UGT1A5: variants seen among roughly 807,000 people sequenced by gnomAD.
UGT1A5 encodes UDP glucuronosyltransferase family 1 member A5, also known as UDP-glucuronosyltransferase 1A5.
Under a neutral mutation model 40.3 loss-of-function variants are expected in UGT1A5, and 29 were observed. That is an observed-to-expected ratio of 0.72 (90% CI 0.54 to 0.98). UGT1A5 has a LOEUF of 0.98. Ranked by LOEUF, UGT1A5 falls within the 50% of genes least tolerant of loss-of-function variation. The pLI is 0.00. For synonymous variants in UGT1A5, 257 were observed against 262.5 expected, an observed-to-expected ratio of 0.98 and a Z score of 0.20; for missense variants, 678 against 677.9, an observed-to-expected ratio of 1.00 and a Z score of 0.00.
chr2:233,740,757 T>C (rs1350241076), intron 1 of UGT1A5: 3 of 151,778 alleles, frequency 2.0e-5, no homozygotes, highest in Non-Finnish European at 2.9e-5. Context: ...CTGAAAACCT[T>C]ATCAAACCGT....
chr2:233,716,529 A>T (rs1261815071), intron 1 of UGT1A5, among the ~76,000 whole-genome samples: 1 of 152,154 alleles, frequency 6.6e-6, no homozygotes, highest in Non-Finnish European at 1.5e-5. Flanking sequence ...CCATTCAATT[A>T]TCTCCTTTCT....
At chr2:233,756,870 A>C (rs1360096515) in intron 1 of UGT1A5, among the ~76,000 whole-genome samples, 4 of 152,134 alleles carry the variant, frequency 2.6e-5, no homozygotes, top group Admixed American at 2.6e-4. Flanking sequence ...AAAGGGTATT[A>C]GGTGTAATGA....
At chr2:233,749,420 T>C (rs1003222005) in intron 1 of UGT1A5, among the ~76,000 whole-genome samples, 1 of 151,886 alleles carries the variant, frequency 6.6e-6, no homozygotes, top group Admixed American at 6.5e-5. Flanking sequence ...ACTACATTGC[T>C]CAAAACTTCA....
chr2:233,716,754 G>C (rs998175744), intron 1 of UGT1A5, among the ~76,000 whole-genome samples: 2 of 152,170 alleles, frequency 1.3e-5, no homozygotes, highest in Non-Finnish European at 2.9e-5. Flanking sequence ...TGGGAGAGGG[G>C]AGCTAGATCA....
In UGT1A5 at chr2:233,712,940, C is replaced by G. The variant is rs367897859; in HGVS notation, c.-52C>G. ...GGTAATTAAGACGAAGGAAACAATT[C>G]TAGGAGGCACAACGTGGGGTGGACA... On this transcript the variant is annotated 5_prime_UTR_variant, in exon 1 of 5. Coordinates refer to ENST00000373414, the MANE Select transcript of UGT1A5 (RefSeq NM_019078.2). The G allele has an allele frequency of 6.2e-7, 1 of 1,612,388 alleles. No homozygotes were observed.
chr2:233,724,360 G>A (rs1455285943), intron 1 of UGT1A5, among the ~76,000 whole-genome samples: 4 of 146,466 alleles, frequency 2.7e-5, no homozygotes, highest in South Asian at 2.3e-4. Flanking sequence ...CCTCCCTCCC[G>A]GACGGGGTGG....
At chr2:233,715,572 G>C (rs1398174608) in intron 1 of UGT1A5, among the ~76,000 whole-genome samples, 1 of 152,076 alleles carries the variant, frequency 6.6e-6, no homozygotes, top group African/African-American at 2.4e-5. Context: ...AGGAGTCTGA[G>C]AGCAGCCTGG....
chr2:233,772,354 T>A lies in UGT1A5; in HGVS notation c.1400T>A (p.Met467Lys). The change falls in exon 5 of 5, where the codon ATG becomes AAG. Residue 467 changes from methionine (M) to lysine (K), a missense_variant. Coordinates refer to ENST00000373414, the MANE Select transcript of UGT1A5 (RefSeq NM_019078.2). Reference sequence around the variant, plus strand: ...GCCGTGTTCTGGGTGGAGTTTGTGATGAGGCACAAGGGCGCGCCACACCTG... The same window carrying A: ...GCCGTGTTCTGGGTGGAGTTTGTGAAGAGGCACAAGGGCGCGCCACACCTG... ...DLAVFWVEFVMRHKGAPHLRP... is the reference protein window; with the variant it reads ...DLAVFWVEFVKRHKGAPHLRP... 1.2e-6 allele frequency: 2 copies of A among 1,614,252 alleles called. No homozygotes were observed. The highest frequency in any genetic ancestry group is 1.7e-6 in the Non-Finnish European group (2 of 1,180,050).
chr2:233,741,996 A>ATACACT (rs904144807), intron 1 of UGT1A5: 1 of 151,922 alleles, frequency 6.6e-6, no homozygotes, highest in African/African-American at 2.4e-5. Flanking sequence ...AATATTACAG[A>ATACACT]TACACTTGGC....
At chr2:233,729,375 G>A (rs148006660) in intron 1 of UGT1A5, 162 of 1,614,004 alleles carry the variant, frequency 1.0e-4, no homozygotes, top group African/African-American at 2.0e-4. Flanking sequence ...ATGCCATTTC[G>A]TGGACCCAGG....
intron 1 of UGT1A5, among the ~76,000 whole-genome samples, chr2:233,756,700 TG>T (rs1321231397): frequency 2.0e-5 from 3 of 152,278 alleles, no homozygotes; most frequent in South Asian, 2.1e-4. Flanking sequence ...CGATGAATTT[TG>T]GGGGGACTTT....
rs62625011 is a variant in UGT1A5 at position 233,767,092 on chromosome 2, G to A, written c.926G>A (p.Gly309Glu). The A allele has an allele frequency of 2.5e-6, 4 of 1,614,070 alleles. No individual in the cohort carries two copies. In the Admixed American group the frequency reaches 5.0e-5, roughly 20 times the overall value. The change falls in exon 2 of 5, where the codon GGA becomes GAA. Residue 309 changes from glycine to glutamate, a missense_variant. Coordinates refer to ENST00000373414, the MANE Select transcript of UGT1A5 (RefSeq NM_019078.2). ...CATGGAATTGTGGTTTTCTCTTTGG[G>A]ATCAATGGTCTCAGAAATTCCAGAG... ...GEHGIVVFSL[G>E]SMVSEIPEKK...
chr2:233,768,554 T>C lies in UGT1A5; in HGVS notation c.1307+115T>C, dbSNP rs1402826015. On this transcript the variant is annotated intron_variant, in intron 4 of 4. Transcript: ENST00000373414. ...GCGTTGTTTCAAATATAAAAACAAA[T>C]ACATAAAAATCTGGATTTTTATTTC... 4 of 1,425,606 alleles carry C rather than the reference T, an allele frequency of 2.8e-6. No individual in the cohort carries two copies. In the African/African-American group the frequency reaches 5.8e-5, roughly 21 times the overall value. 88.3% of individuals were successfully genotyped at this position (1,425,606 alleles called of 1,614,324 possible). A position where few individuals can be genotyped will look rare whatever the true frequency, so the allele number is the denominator to read the frequency against.
intron 1 of UGT1A5, chr2:233,743,606 A>C (rs1409222712): frequency 7.3e-7 from 1 of 1,367,154 alleles, no homozygotes; most frequent in African/African-American, 1.5e-5. Context: ...CTGGCCGCCG[A>C]AGAACTCCCT....
At chr2:233,770,024 C>A (rs1031341974) in intron 4 of UGT1A5, 31 of 161,058 alleles carry the variant, frequency 1.9e-4, no homozygotes, top group Non-Finnish European at 2.6e-4. Context: ...TCTTTCCCTG[C>A]ACTGTTGAAG....
chr2:233,737,141 C>T (rs2078844514), intron 1 of UGT1A5, among the ~76,000 whole-genome samples: 1 of 152,246 alleles, frequency 6.6e-6, no homozygotes, highest in African/African-American at 2.4e-5. Context: ...GCCTTTTGTT[C>T]AGATATGCCC....
intron 1 of UGT1A5, among the ~76,000 whole-genome samples, chr2:233,745,604 G>A (rs908621602): frequency 6.6e-6 from 1 of 151,572 alleles, no homozygotes; most frequent in African/African-American, 2.4e-5. Flanking sequence ...TTGGCACTTG[G>A]TAAGCACACA....
At chr2:233,744,122 C>T in intron 1 of UGT1A5, 1 of 368,854 alleles carries the variant, frequency 2.7e-6, no homozygotes, top group Non-Finnish European at 5.1e-6. Flanking sequence ...CTCTGTGAGG[C>T]TCTGTGAGGC....
chr2:233,752,072 T>C (rs1694888603), intron 1 of UGT1A5, among the ~76,000 whole-genome samples: 1 of 152,194 alleles, frequency 6.6e-6, no homozygotes, highest in Non-Finnish European at 1.5e-5. Flanking sequence ...GATGGGGAAG[T>C]CTCTCTACCT....
Sources: allele counts gnomAD v4.1 joint callset (sites outside exome capture counted in the v4.1 genomes callset), GRCh38; gene constraint gnomAD v4.1.1; transcripts MANE v1.5; gene names NCBI Gene and HGNC (gene_info 2026-07-23, HGNC 2026-07-21).